The following ITFG1 variants were observed in gnomAD, a reference collection of about 807,000 sequenced individuals.
ITFG1 encodes the protein integrin alpha FG-GAP repeat containing 1, also known as T-cell immunomodulatory protein.
ITFG1 carries 34 observed loss-of-function variants against 81.8 expected under a neutral mutation model. The ratio of observed to expected loss-of-function variants is 0.42; its 90% CI spans 0.32 to 0.55. The LOEUF (loss-of-function observed/expected upper bound fraction) is 0.55. Ranked by LOEUF, ITFG1 falls within the 20% of genes least tolerant of loss-of-function variation. ITFG1 has a pLI of 0.17. For missense variants in ITFG1, 672 were observed against 755.4 expected (o/e 0.89, Z 1.29); for synonymous variants, 285 against 270.6 (o/e 1.05, Z -0.52).
intron 5 of ITFG1, among the ~76,000 whole-genome samples, chr16:47,441,257 G>A (rs1348698609): frequency 6.6e-6 from 1 of 152,162 alleles, no homozygotes; most frequent in Non-Finnish European, 1.5e-5. Context: ...GGTACAAGGA[G>A]GAGCTGGTAA....
At chr16:47,347,708 GCA>G (rs2151579886) in intron 8 of ITFG1, among the ~76,000 whole-genome samples, 1 of 152,326 alleles carries the variant, frequency 6.6e-6, no homozygotes, top group South Asian at 2.1e-4. Context: ...GGTTCTCCCA[GCA>G]CAGAGTCTGA....
intron 13 of ITFG1, among the ~76,000 whole-genome samples, chr16:47,221,529 T>C (rs1337516242): frequency 6.6e-6 from 1 of 152,226 alleles, no homozygotes; most frequent in Admixed American, 6.5e-5. Context: ...ATCAAGGATA[T>C]TGGTCTAAAA....
At chr16:47,446,035 C>T (rs1969320370) in intron 5 of ITFG1, among the ~76,000 whole-genome samples, 2 of 151,966 alleles carry the variant, frequency 1.3e-5, no homozygotes, top group East Asian at 3.9e-4. Flanking sequence ...CTGTTAGCCA[C>T]ACAAGCTATC....
chr16:47,208,524 T>C (rs557539923), intron 14 of ITFG1, among the ~76,000 whole-genome samples: 4 of 152,326 alleles, frequency 2.6e-5, no homozygotes, highest in Admixed American at 6.5e-5. Context: ...CGAAAGGACC[T>C]GACATCAGGT....
intron 6 of ITFG1, among the ~76,000 whole-genome samples, chr16:47,392,023 A>G (rs921872862): frequency 3.9e-5 from 6 of 152,228 alleles, no homozygotes; most frequent in Non-Finnish European, 7.3e-5. Context: ...TAAGTAAAAT[A>G]GGTCACACTA....
chr16:47,329,195 C>G (rs531106942), intron 8 of ITFG1, among the ~76,000 whole-genome samples: 227 of 151,954 alleles, frequency 1.5e-3, no homozygotes, highest in African/African-American at 5.0e-3. Context: ...GGGCAGAAGA[C>G]GAGAATCAAA....
At chr16:47,223,958 C>T (rs1965726933) in intron 13 of ITFG1, among the ~76,000 whole-genome samples, 3 of 151,336 alleles carry the variant, frequency 2.0e-5, no homozygotes, top group Admixed American at 6.6e-5. Context: ...AGTAAACTAT[C>T]ACAAGAACAA....
chr16:47,420,312 G>A (rs1968929010), intron 6 of ITFG1, among the ~76,000 whole-genome samples: 1 of 152,098 alleles, frequency 6.6e-6, no homozygotes, highest in African/African-American at 2.4e-5. Context: ...TATGTATTCT[G>A]TAGCTGTGGG....
intron 10 of ITFG1, among the ~76,000 whole-genome samples, chr16:47,294,276 T>C (rs1966952301): frequency 6.6e-6 from 1 of 152,124 alleles, no homozygotes; most frequent in African/African-American, 2.4e-5. Flanking sequence ...TGTATTATAA[T>C]TTGAGATAAG....
At position 47,443,312 on chromosome 16, in the gene ITFG1, A is replaced by G. The variant is rs560488652; in HGVS notation, c.560+8084T>C. On this transcript the variant is annotated intron_variant, in intron 5 of 17. Transcript: ENST00000320640. ...TACACTGTTGGTGGGAGTGTAAACTAGTTCAACCATTGTGGAAGTCAGTGT... is the reference window on the plus strand; with the variant it reads ...TACACTGTTGGTGGGAGTGTAAACTGGTTCAACCATTGTGGAAGTCAGTGT... 8.0e-3 allele frequency among the ~76,000 whole-genome samples: 1,221 copies of G among 152,320 alleles called. 14 individuals are homozygous for G. Among genetic ancestry groups the G allele is most frequent in the African/African-American group, 0.029 (1,185 of 41,562 alleles).
chr16:47,185,946 GAA>G (rs1965207139), intron 14 of ITFG1, among the ~76,000 whole-genome samples: 1 of 152,212 alleles, frequency 6.6e-6, no homozygotes, highest in Non-Finnish European at 1.5e-5. Context: ...CGATCCCACA[GAA>G]ATACAAACTA....
intron 5 of ITFG1, among the ~76,000 whole-genome samples, chr16:47,429,647 G>C (rs1204074586): frequency 6.6e-6 from 1 of 152,124 alleles, no homozygotes; most frequent in African/African-American, 2.4e-5. Flanking sequence ...ATTTCACTGT[G>C]GTTTGATTTG....
At chr16:47,285,199 A>C (rs1212785068) in intron 10 of ITFG1, among the ~76,000 whole-genome samples, 1 of 152,026 alleles carries the variant, frequency 6.6e-6, no homozygotes, top group East Asian at 1.9e-4. Context: ...CCCATGAGAG[A>C]GTCCCACCCT....
At chr16:47,278,335 A>C (rs147168557) in intron 10 of ITFG1, among the ~76,000 whole-genome samples, 2 of 152,194 alleles carry the variant, frequency 1.3e-5, no homozygotes, top group African/African-American at 2.4e-5. Flanking sequence ...AAGATTTCTC[A>C]GAATGGTGGT....
At chr16:47,286,874 G>T (rs913263816) in intron 10 of ITFG1, among the ~76,000 whole-genome samples, 1 of 152,134 alleles carries the variant, frequency 6.6e-6, no homozygotes, top group Non-Finnish European at 1.5e-5. Flanking sequence ...GATAGGCAAG[G>T]CTGAGAGAGG....
chr16:47,295,564 C>A (rs1487865516), intron 10 of ITFG1, among the ~76,000 whole-genome samples: 1 of 152,122 alleles, frequency 6.6e-6, no homozygotes, highest in Non-Finnish European at 1.5e-5. Context: ...GGAATTTATC[C>A]ATTTCCCCTA....
At chr16:47,217,104 T>A (rs3095628) in intron 14 of ITFG1, among the ~76,000 whole-genome samples, 4 of 151,610 alleles carry the variant, frequency 2.6e-5, no homozygotes, top group Non-Finnish European at 5.9e-5. Context: ...ATTATCTGTA[T>A]GAACAGATAT....
chr16:47,380,626 T>C (rs1232512221), intron 6 of ITFG1, among the ~76,000 whole-genome samples: 1 of 152,076 alleles, frequency 6.6e-6, no homozygotes, highest in Non-Finnish European at 1.5e-5. Flanking sequence ...ACAGGGTTGG[T>C]ATAGGGAGAG....
At chr16:47,370,120 G>A (rs961221518) in intron 7 of ITFG1, among the ~76,000 whole-genome samples, 14 of 152,142 alleles carry the variant, frequency 9.2e-5, no homozygotes, top group Admixed American at 5.9e-4. Flanking sequence ...GATTACAGGC[G>A]TTAGCTACTG....
Sources: gnomAD v4.1 joint callset for allele counts (sites outside exome capture counted in the v4.1 genomes callset) on GRCh38, gnomAD v4.1.1 for gene constraint, MANE v1.5 for transcripts, NCBI Gene and HGNC (gene_info 2026-07-23, HGNC 2026-07-21) for gene names.